FNDC7: variants seen among roughly 807,000 people sequenced by gnomAD.
FNDC7 encodes fibronectin type III domain containing 7.
In FNDC7, 66 loss-of-function variants were observed where a neutral mutation model predicts 74.2. The ratio of observed to expected loss-of-function variants is 0.89; its 90% CI spans 0.73 to 1.09. FNDC7 has a LOEUF of 1.09. FNDC7 is among the 50% of genes least tolerant of loss of function. The pLI is 0.00. For missense variants in FNDC7, 829 were observed against 893.4 expected (o/e 0.93, Z 0.92); for synonymous variants, 307 against 330.2 (o/e 0.93, Z 0.76).
At chr1:108,733,564 T>C in intron 10 of FNDC7, 32 bp downstream of exon 10, 2 of 1,599,672 alleles carry the variant, frequency 1.3e-6, no homozygotes, top group South Asian at 2.2e-5. Flanking sequence ...TATCTAAAAC[T>C]AACCCTGAAC....
chr1:108,730,795 GTC>G lies in FNDC7; in HGVS notation c.1748_1749del (p.Ser583Ter). On this transcript the variant is annotated frameshift_variant, in exon 9 of 13. Transcript: ENST00000370017. LOFTEE classifies it high-confidence loss of function. ...CAGTTCTGGAGTCACACACTGGACA[GTC>G]TAAGTGTCACACTCATCAAAACCAC... ...VAVLESHTGQ[S>X]KCHTHQNHCL... 1 of 1,614,170 alleles carries G rather than the reference GTC, an allele frequency of 6.2e-7. No individual in the cohort carries two copies. Among genetic ancestry groups the G allele is most frequent in the South Asian group, 1.1e-5 (1 of 91,084 alleles).
chr1:108,715,492 C>A lies in FNDC7; in HGVS notation c.82+1963C>A, dbSNP rs1391107080. On this transcript the variant is annotated intron_variant, in intron 2 of 12. Coordinates refer to ENST00000370017, the MANE Select transcript of FNDC7 (RefSeq NM_001144937.3). ...CATTGTTGATGCTGGTCACAGCCTG[C>A]CCTAAAACCAGGTGTAAAACAGACA... Among the ~76,000 whole-genome samples the A allele has an allele frequency of 3.3e-5, 5 of 152,168 alleles. No homozygotes were observed. The East Asian group carries it at 9.6e-4, about 29-fold the overall frequency.
At chr1:108,713,143 C>T (rs1307047053) in intron 1 of FNDC7, 147 bp downstream of exon 1, 83 of 684,814 alleles carry the variant, frequency 1.2e-4, no homozygotes, top group Non-Finnish European at 9.7e-6. Flanking sequence ...TATATGTTTG[C>T]GTGTTTGAAA....
chr1:108,727,797 C>T lies in FNDC7; in HGVS notation c.1112-11C>T, dbSNP rs759240082. The T allele has an allele frequency of 6.2e-7, 1 of 1,613,748 alleles. No individual in the cohort carries two copies. Among genetic ancestry groups the T allele is most frequent in the Admixed American group, 1.7e-5 (1 of 60,010 alleles). On this transcript the variant is annotated splice_polypyrimidine_tract_variant and intron_variant, in intron 6 of 12. Transcript: ENST00000370017. Reference sequence around the variant, plus strand: ...ATGGGACCGCCATTTTCCCTCTGCTCCTGCTTTCAGCTCCCTGTTGTCCTA... The same window carrying T: ...ATGGGACCGCCATTTTCCCTCTGCTTCTGCTTTCAGCTCCCTGTTGTCCTA...
chr1:108,740,622 C>T (rs952447377), intron 11 of FNDC7, among the ~76,000 whole-genome samples: 3 of 152,094 alleles, frequency 2.0e-5, no homozygotes, highest in Admixed American at 6.5e-5. Context: ...GCCACCGCAC[C>T]GGCCATAAAC....
In FNDC7 at chr1:108,733,253, T is replaced by C. The variant is rs771823144; in HGVS notation, c.1880-19T>C. On this transcript the variant is annotated intron_variant, in intron 9 of 12. Coordinates refer to ENST00000370017, the MANE Select transcript of FNDC7 (RefSeq NM_001144937.3). ...GGAATAAAACAAGTGATTTTGTGTT[T>C]GTTATTTTTATTGCCTAGGTGCCTG... is the stretch of plus-strand genomic sequence containing the variant. 1 of 1,595,928 alleles carries C rather than the reference T, an allele frequency of 6.3e-7. No individual in the cohort carries two copies. Among genetic ancestry groups the C allele is most frequent in the Admixed American group, 1.7e-5 (1 of 58,794 alleles).
intron 4 of FNDC7, among the ~76,000 whole-genome samples, chr1:108,719,745 T>TGAGAGAGAGAGAGA (rs67387432): frequency 2.0e-5 from 3 of 148,232 alleles, no homozygotes; most frequent in East Asian, 4.0e-4. Flanking sequence ...GCCAAGCGAA[T>TGAGAGAGAGAGAGA]GAGAGAGAGA....
chr1:108,721,187 C>T (rs6658484), intron 4 of FNDC7, among the ~76,000 whole-genome samples: 5 of 152,238 alleles, frequency 3.3e-5, no homozygotes, highest in Non-Finnish European at 7.4e-5. Flanking sequence ...GAGGCCTTCC[C>T]GGCCGGGCAC....
chr1:108,722,541 A>G lies in FNDC7; in HGVS notation c.805A>G (p.Ser269Gly). ...TGAATACTTGATTTCAGTTTTAGCA[A>G]GTAATGATGCTGGATCTAGCAAATC... Reference protein sequence around the residue: ...GTEYLISVLASNDAGSSKSSS... With the variant: ...GTEYLISVLAGNDAGSSKSSS... Residue 269 changes from serine to glycine, a missense_variant, in exon 5 of 13, where the codon AGT (serine) becomes GGT (glycine). By Grantham distance (56) the Ser-to-Gly change is moderately conservative. Transcript: ENST00000370017. 2 of 1,614,226 alleles carry G rather than the reference A, an allele frequency of 1.2e-6. No individual in the cohort carries two copies. The highest frequency in any genetic ancestry group is 1.7e-6 in the Non-Finnish European group (2 of 1,180,024).
chr1:108,725,661 T>A (rs1200328381), intron 5 of FNDC7, 89 bp from the exon 6 acceptor site: 1 of 1,411,486 alleles, frequency 7.1e-7, no homozygotes, highest in East Asian at 2.3e-5. Context: ...GAGTTGCTAA[T>A]TTGGGTTGTA....
At chr1:108,733,634 G>T in intron 10 of FNDC7, 102 bp downstream of exon 10, 11 of 1,066,880 alleles carry the variant, frequency 1.0e-5, no homozygotes, top group South Asian at 3.5e-5. Flanking sequence ...GGCACAGAGG[G>T]TATAAAATTT....
intron 2 of FNDC7, among the ~76,000 whole-genome samples, chr1:108,716,868 G>A (rs1249172031): frequency 6.6e-6 from 1 of 152,208 alleles, no homozygotes. Context: ...CCAAGTGCCA[G>A]TTTCAAATAA....
intron 6 of FNDC7, among the ~76,000 whole-genome samples, chr1:108,726,709 G>A (rs1477378766): frequency 2.6e-5 from 4 of 152,080 alleles, no homozygotes; most frequent in Non-Finnish European, 5.9e-5. Context: ...CAGCATATGG[G>A]AGATGCTCAA....
intron 11 of FNDC7, among the ~76,000 whole-genome samples, chr1:108,738,631 C>T (rs895562085): frequency 2.0e-5 from 3 of 147,714 alleles, no homozygotes; most frequent in African/African-American, 7.5e-5. Flanking sequence ...CACTGGACAG[C>T]CTTCCAGTCG....
chr1:108,722,923 A>C (rs1661127584), intron 5 of FNDC7, among the ~76,000 whole-genome samples: 1 of 152,208 alleles, frequency 6.6e-6, no homozygotes. Context: ...GTGCATACAG[A>C]TAACTGCGTC....
intron 4 of FNDC7, among the ~76,000 whole-genome samples, 174 bp downstream of exon 4, chr1:108,719,223 T>C (rs931852269): frequency 1.3e-5 from 2 of 152,234 alleles, no homozygotes; most frequent in Non-Finnish European, 2.9e-5. Context: ...CTCGGTAGTT[T>C]AAACGCTTCC....
intron 2 of FNDC7, among the ~76,000 whole-genome samples, chr1:108,714,955 C>T (rs1325029175): frequency 1.3e-5 from 2 of 152,098 alleles, no homozygotes; most frequent in African/African-American, 4.8e-5. Flanking sequence ...TTACAAGGTC[C>T]TAGCACACCC....
At position 108,718,807 on chromosome 1, in the gene FNDC7, T is replaced by C. The variant is rs1222638752; in HGVS notation, c.356T>C (p.Leu119Pro). Reference sequence around the variant, plus strand: ...TTTTTAGTGTTGGCTGCACCAATTCTAGAAGTAAGCTCTCCAAGTTCAGAC... The same window carrying C: ...TTTTTAGTGTTGGCTGCACCAATTCCAGAAGTAAGCTCTCCAAGTTCAGAC... ...QAKTVLAAPI[L>P]EVSSPSSDSI... Residue 119 changes from leucine (L) to proline (P), a missense_variant, in exon 4 of 13, where the codon CTA (leucine) becomes CCA (proline). Leu to Pro is a moderately conservative substitution (Grantham distance 98, BLOSUM62 -3). Transcript: ENST00000370017. 5 of 1,551,862 alleles carry C rather than the reference T, an allele frequency of 3.2e-6. No individual in the cohort carries two copies. In the East Asian group the frequency reaches 1.2e-4, roughly 38 times the overall value.
chr1:108,731,214 G>C (rs1661337258), intron 9 of FNDC7, among the ~76,000 whole-genome samples: 1 of 152,186 alleles, frequency 6.6e-6, no homozygotes, highest in African/African-American at 2.4e-5. Flanking sequence ...GCAACACAGA[G>C]TAACGTAGCC....
Sources: gnomAD v4.1 joint callset for allele counts (sites outside exome capture counted in the v4.1 genomes callset) on GRCh38, gnomAD v4.1.1 for gene constraint, MANE v1.5 for transcripts, NCBI Gene and HGNC (gene_info 2026-07-23, HGNC 2026-07-21) for gene names.